Variants in EPHB1 observed in about 807,000 individuals in gnomAD.
EPHB1 encodes EPH receptor B1.
Under a neutral mutation model 94.4 loss-of-function variants are expected in EPHB1, and 30 were observed. The observed-to-expected ratio is 0.32, with a 90% confidence interval of 0.24 to 0.43. EPHB1 has a LOEUF of 0.43. Among genes scored for constraint, EPHB1 ranks in the 20% least tolerant of loss-of-function variants. The probability of loss-of-function intolerance (pLI) is 1.00; values close to 1 mark genes in which losing one functional copy is unlikely to be tolerated. For missense variants in EPHB1, 1,055 were observed against 1,308.3 expected, an observed-to-expected ratio of 0.81 and a Z score of 2.99; for synonymous variants, 522 against 489.1, an observed-to-expected ratio of 1.07 and a Z score of -0.89.
intron 1 of EPHB1, 116 bp from the exon 2 acceptor site, chr3:134,925,697 ACCT>A (rs1464631997): frequency 2.5e-6 from 2 of 787,434 alleles, no homozygotes; most frequent in Non-Finnish European, 3.9e-6. Flanking sequence ...AGATGCACAA[ACCT>A]CCTTGTAGTA....
chr3:134,857,890 T>A (rs530572720), intron 1 of EPHB1, among the ~76,000 whole-genome samples: 1 of 152,296 alleles, frequency 6.6e-6, no homozygotes, highest in East Asian at 1.9e-4. Context: ...AAGTACTAAT[T>A]TCATTCAAAA....
rs577186207 is a variant in EPHB1, at chr3:135,038,850, C to G, written c.806-67598C>G. Among the ~76,000 whole-genome samples the G allele has an allele frequency of 3.5e-3, 539 of 152,206 alleles. 3 individuals are homozygous for G. The highest frequency in any genetic ancestry group is 0.012 in the African/African-American group (507 of 41,528). ...TCCACAGTGTGGAAGGGGACCCCAG[C>G]GGGTTGCCAATGCTGGCTCCAGCAG... is the stretch of plus-strand genomic sequence containing the variant. On this transcript the variant is annotated intron_variant, in intron 3 of 15. Coordinates refer to ENST00000398015, the MANE Select transcript of EPHB1 (RefSeq NM_004441.5).
chr3:135,042,656 C>T (rs994849606), intron 3 of EPHB1, among the ~76,000 whole-genome samples: 6 of 152,104 alleles, frequency 3.9e-5, no homozygotes, highest in Non-Finnish European at 8.8e-5. Flanking sequence ...GCAGCCTTCA[C>T]TGGGCTGATT....
intron 1 of EPHB1, among the ~76,000 whole-genome samples, chr3:134,880,477 G>C (rs1390988925): frequency 6.6e-6 from 1 of 152,156 alleles, no homozygotes; most frequent in East Asian, 1.9e-4. Context: ...CTTGTCACTG[G>C]CCTGAAATCA....
chr3:134,825,082 A>C (rs547016038), intron 1 of EPHB1, among the ~76,000 whole-genome samples: 2 of 152,336 alleles, frequency 1.3e-5, no homozygotes, highest in South Asian at 2.1e-4. Flanking sequence ...GATAACAGGA[A>C]CACAAGCAGT....
intron 3 of EPHB1, among the ~76,000 whole-genome samples, chr3:135,059,553 A>T (rs1196013347): frequency 6.6e-6 from 1 of 152,108 alleles, no homozygotes; most frequent in Non-Finnish European, 1.5e-5. Flanking sequence ...AACCAGTGGG[A>T]GCTTTGGGAA....
intron 10 of EPHB1, among the ~76,000 whole-genome samples, chr3:135,183,230 TCC>T (rs1484880983): frequency 3.6e-3 from 437 of 122,342 alleles, no homozygotes; most frequent in Middle Eastern, 7.6e-3. Flanking sequence ...CTCCCTCCCT[TCC>T]TCCCTCCCTC....
intron 10 of EPHB1, among the ~76,000 whole-genome samples, chr3:135,189,799 A>T (rs1025649051): frequency 2.0e-5 from 3 of 152,224 alleles, no homozygotes; most frequent in Non-Finnish European, 4.4e-5. Flanking sequence ...CAAACTCCAC[A>T]CACTGATAGG....
rs544202593 is a variant in EPHB1, at chr3:134,980,132, A to G, written c.805+28080A>G. Reference sequence around the variant, plus strand: ...GCTGCAAAATTTGAATGGCTGGGAGATGGAATCATCCAGAGACTTATCACA... The same window carrying G: ...GCTGCAAAATTTGAATGGCTGGGAGGTGGAATCATCCAGAGACTTATCACA... On this transcript the variant is annotated intron_variant, in intron 3 of 15. Transcript: ENST00000398015. Among the ~76,000 whole-genome samples, 3 of 152,314 alleles carry G rather than the reference A, an allele frequency of 2.0e-5. No individual in the cohort carries two copies. The South Asian group carries it at 6.2e-4, about 32-fold the overall frequency.
chr3:134,853,753 T>C (rs897176714), intron 1 of EPHB1, among the ~76,000 whole-genome samples: 2 of 152,144 alleles, frequency 1.3e-5, no homozygotes, highest in African/African-American at 4.8e-5. Flanking sequence ...CCTTCCTGTA[T>C]GGATGGAGAA....
At chr3:135,115,972 T>G (rs2107803691) in intron 4 of EPHB1, among the ~76,000 whole-genome samples, 1 of 152,234 alleles carries the variant, frequency 6.6e-6, no homozygotes, top group Middle Eastern at 3.4e-3. Context: ...TCCCAGGACT[T>G]TGGGAGGCCG....
At chr3:134,829,656 G>A (rs997887382) in intron 1 of EPHB1, among the ~76,000 whole-genome samples, 1 of 152,090 alleles carries the variant, frequency 6.6e-6, no homozygotes, top group Non-Finnish European at 1.5e-5. Context: ...CCCTAAAAAG[G>A]TATGTTAAAA....
chr3:135,038,533 CT>C (rs1936722901), intron 3 of EPHB1, among the ~76,000 whole-genome samples: 1 of 152,156 alleles, frequency 6.6e-6, no homozygotes, highest in Admixed American at 6.5e-5. Flanking sequence ...ATTTTGGCTC[CT>C]TGAGGCCCCC....
chr3:134,933,047 C>G (rs2038934477), intron 2 of EPHB1, among the ~76,000 whole-genome samples: 1 of 152,182 alleles, frequency 6.6e-6, no homozygotes, highest in Non-Finnish European at 1.5e-5. Flanking sequence ...GCAAAACCCA[C>G]TCTTGAAGGA....
chr3:134,951,694 G>A lies in EPHB1; in HGVS notation c.447G>A (p.Val149=). 6.2e-7 allele frequency: 1 copy of A among 1,614,112 alleles called. No individual in the cohort carries two copies. The highest frequency in any genetic ancestry group is 1.1e-5 in the South Asian group (1 of 91,074). The change falls in exon 3 of 16, where the codon GTG becomes GTA. Residue 149 remains valine (V), a synonymous_variant. Coordinates refer to ENST00000398015, the MANE Select transcript of EPHB1 (RefSeq NM_004441.5). This position sits in a 1 kb window ranked among gnomAD's most constrained non-coding sequence, Gnocchi z 4.5. ...CTGCAGATGAGAGCTTCTCCCAGGT[G>A]GACTTTGGGGGAAGGCTGATGAAGG... The part of the protein sequence containing the change: ...TIAADESFSQ[V]DFGGRLMKVN...
intron 1 of EPHB1, among the ~76,000 whole-genome samples, chr3:134,909,115 C>CGGGG (rs1250648426): frequency 1.1e-5 from 1 of 92,784 alleles, no homozygotes; most frequent in African/African-American, 4.5e-5. Flanking sequence ...AAGGTGGGGG[C>CGGGG]GGGGGGCGGG....
intron 3 of EPHB1, among the ~76,000 whole-genome samples, chr3:134,973,133 C>T (rs775391104): frequency 6.6e-6 from 1 of 152,170 alleles, no homozygotes; most frequent in Non-Finnish European, 1.5e-5. Context: ...GGGAATGTGT[C>T]CTCCTGCAGG....
At chr3:135,178,230 G>GGGT (rs777122038) in intron 9 of EPHB1, among the ~76,000 whole-genome samples, 1 of 147,854 alleles carries the variant, frequency 6.8e-6, no homozygotes, top group Admixed American at 6.7e-5. Flanking sequence ...GGGGAGGGGG[G>GGGT]GTGGATCATG....
At chr3:134,830,672 T>C (rs1437876654) in intron 1 of EPHB1, among the ~76,000 whole-genome samples, 1 of 152,138 alleles carries the variant, frequency 6.6e-6, no homozygotes, top group African/African-American at 2.4e-5. Flanking sequence ...ACGAAACATG[T>C]GTAGGAGAGT....
Sources: gnomAD v4.1 joint callset for allele counts (sites outside exome capture counted in the v4.1 genomes callset) on GRCh38, gnomAD v4.1.1 for gene constraint, Gnocchi (gnomAD v3.1) non-coding constraint, MANE v1.5 for transcripts, NCBI Gene and HGNC (gene_info 2026-07-23, HGNC 2026-07-21) for gene names.